Variants in PCDHGA11 observed in about 807,000 individuals in gnomAD.
PCDHGA11 encodes the protein protocadherin gamma-A11.
A neutral mutation model predicts 60.4 loss-of-function variants in PCDHGA11; 39 were observed. That is an observed-to-expected ratio of 0.65 (90% confidence interval 0.50 to 0.84). The LOEUF is 0.84. Among genes scored for constraint, PCDHGA11 ranks in the 40% least tolerant of loss-of-function variants. The pLI, the probability that PCDHGA11 is intolerant of heterozygous loss-of-function variation, is 0.00. For missense variants in PCDHGA11, 1,165 were observed against 1,197.7 expected, an observed-to-expected ratio of 0.97 and a Z score of 0.40; for synonymous variants, 533 against 510.3, an observed-to-expected ratio of 1.04 and a Z score of -0.60.
chr5:141,425,528 C>CA (rs890632943), intron 1 of PCDHGA11, among the ~76,000 whole-genome samples: 1 of 152,200 alleles, frequency 6.6e-6, no homozygotes, highest in African/African-American at 2.4e-5. Context: ...AAACATGAAA[C>CA]AATAATCCTT....
In PCDHGA11 at chr5:141,478,301, G is replaced by C. The variant is rs778427815; in HGVS notation, c.2434-16506G>C. ...GAAGCAGTCTAGAGACCTATACCGA[G>C]CCCCGGTGAGCTCACTGTACCGAAC... On this transcript the variant is annotated intron_variant, in intron 1 of 3. Coordinates refer to ENST00000398587, the MANE Select transcript of PCDHGA11 (RefSeq NM_018914.3). 2.5e-6 allele frequency: 4 copies of C among 1,614,074 alleles called. No individual in the cohort carries two copies. In the South Asian group the frequency reaches 4.4e-5, roughly 18 times the overall value.
intron 1 of PCDHGA11, among the ~76,000 whole-genome samples, chr5:141,471,928 G>A (rs1328213264): frequency 6.6e-6 from 1 of 152,152 alleles, no homozygotes; most frequent in African/African-American, 2.4e-5. Context: ...TTTTGGGGGT[G>A]ATGAGAGTTT....
Position 141,487,686 on chromosome 5 carries a change from T to G in PCDHGA11, c.2434-7121T>G, listed in dbSNP as rs778973495. The G allele has an allele frequency of 4.4e-6, 7 of 1,605,914 alleles. 1 individual carries two copies. The African/African-American group carries it at 9.4e-5, about 21-fold the overall frequency. On this transcript the variant is annotated intron_variant, in intron 1 of 3. Coordinates refer to ENST00000398587, the MANE Select transcript of PCDHGA11 (RefSeq NM_018914.3). The surrounding 1 kb of genome is among the most constrained non-coding windows in gnomAD (Gnocchi z 5.0). Reference sequence around the variant, plus strand: ...CCAGGCATATGGCTAGGCCATGTCCTAGAGAGTACTGGCCTCTCAGTAAGT... The same window carrying G: ...CCAGGCATATGGCTAGGCCATGTCCGAGAGAGTACTGGCCTCTCAGTAAGT...
At position 141,511,140 on chromosome 5, in the gene PCDHGA11, C is replaced by G. The variant is rs1405623579; in HGVS notation, c.2775C>G (p.Asn925Lys). Residue 925 changes from asparagine (N) to lysine (K), a missense_variant, in exon 4 of 4, where the codon AAC becomes AAG. Physicochemically the swap from Asn to Lys is moderately conservative, Grantham distance 94. Transcript: ENST00000398587. ...AGGCCCCAGCAGGTGGCAATGGCAACAAGAAGAAGTCGGGCAAGAAGGAGA... is the reference window on the plus strand; with the variant it reads ...AGGCCCCAGCAGGTGGCAATGGCAAGAAGAAGAAGTCGGGCAAGAAGGAGA... Reference protein sequence around the residue: ...DGKAPAGGNGNKKKSGKKEKK With the variant: ...DGKAPAGGNGKKKKSGKKEKK 2.5e-6 allele frequency: 4 copies of G among 1,614,068 alleles called. No homozygotes were observed. Among genetic ancestry groups the G allele is most frequent in the Admixed American group, 1.7e-5 (1 of 60,008 alleles).
In PCDHGA11 at chr5:141,511,281, G is replaced by A; in HGVS notation, c.*108G>A. The A allele has an allele frequency of 2.0e-6, 3 of 1,531,280 alleles. No homozygotes were observed. Among genetic ancestry groups the A allele is most frequent in the Non-Finnish European group, 2.6e-6 (3 of 1,137,132 alleles). 94.9% of individuals were successfully genotyped at this position (1,531,280 alleles called of 1,614,324 possible). ...TTCAGGGCTAACCCCCAGAATACTG[G>A]TAGGGGCCAAGGCCATGCTCCCCTT... On this transcript the variant is annotated 3_prime_UTR_variant, in exon 4 of 4. Transcript: ENST00000398587.
rs535194185 is a variant in PCDHGA11, at chr5:141,485,480, A to C, written c.2434-9327A>C. 6.2e-7 allele frequency: 1 copy of C among 1,614,154 alleles called. No individual in the cohort carries two copies. The highest frequency in any genetic ancestry group is 1.7e-5 in the Admixed American group (1 of 60,020). On this transcript the variant is annotated intron_variant, in intron 1 of 3. Coordinates refer to ENST00000398587, the MANE Select transcript of PCDHGA11 (RefSeq NM_018914.3). This position sits in a 1 kb window ranked among gnomAD's most constrained non-coding sequence, Gnocchi z 5.7. The stretch of plus-strand genomic sequence containing the variant: ...ACTGTGTGGGCTCAGTGCCAGCTGC[A>C]TCGTGCCCCTGGAGTTTGTCACCGA...
intron 1 of PCDHGA11, among the ~76,000 whole-genome samples, chr5:141,444,466 C>T (rs539222916): frequency 7.9e-5 from 12 of 152,100 alleles, no homozygotes; most frequent in East Asian, 1.9e-4. Context: ...TCACTGCGCC[C>T]GGTCGCGTAC....
At position 141,432,908 on chromosome 5, in the gene PCDHGA11, C is replaced by A. The variant is rs757934634; in HGVS notation, c.2433+9248C>A. On this transcript the variant is annotated intron_variant, in intron 1 of 3. Coordinates refer to ENST00000398587, the MANE Select transcript of PCDHGA11 (RefSeq NM_018914.3). This position sits in a 1 kb window ranked among gnomAD's most constrained non-coding sequence, Gnocchi z 6.0. ...CATCTTGCTGCTGGCGCTCAGGCTGCGGCGCTGGCACAAGTCACGCCTGCT... is the reference window on the plus strand; with the variant it reads ...CATCTTGCTGCTGGCGCTCAGGCTGAGGCGCTGGCACAAGTCACGCCTGCT... The A allele has an allele frequency of 1.6e-5, 26 of 1,614,168 alleles. No individual in the cohort carries two copies. Among genetic ancestry groups the A allele is most frequent in the Middle Eastern group, 1.7e-4 (1 of 6,060 alleles).
At position 141,422,849 on chromosome 5, in the gene PCDHGA11, C is replaced by G; in HGVS notation, c.1622C>G (p.Pro541Arg). ...LRVIARDSGD[P>R]PLSSNVSLSL... ...GTGATAGCACGTGACAGCGGGGACCCGCCCCTCAGCAGCAACGTGTCGCTG... is the reference window on the plus strand; with the variant it reads ...GTGATAGCACGTGACAGCGGGGACCGGCCCCTCAGCAGCAACGTGTCGCTG... The change falls in exon 1 of 4, where the codon CCG becomes CGG. Residue 541 changes from proline (P) to arginine (R), a missense_variant. Physicochemically the swap from Pro to Arg is moderately radical, Grantham distance 103 (BLOSUM62 -2). Transcript: ENST00000398587. 6.2e-7 allele frequency: 1 copy of G among 1,614,238 alleles called. No individual in the cohort carries two copies. The highest frequency in any genetic ancestry group is 2.2e-5 in the East Asian group (1 of 44,882).
In PCDHGA11 at chr5:141,485,049, G is replaced by C. The variant is rs1271101804; in HGVS notation, c.2434-9758G>C. On this transcript the variant is annotated intron_variant, in intron 1 of 3. Coordinates refer to ENST00000398587, the MANE Select transcript of PCDHGA11 (RefSeq NM_018914.3). The surrounding 1 kb of genome is among the most constrained non-coding windows in gnomAD (Gnocchi z 5.7). ...AACGGCGCGTAACCCTTGCGGCGCC[G>C]GCCGAACCGCGCCAGAGCTGGCGCG... 1 of 780,438 alleles carries C rather than the reference G, an allele frequency of 1.3e-6. No homozygotes were observed. The highest frequency in any genetic ancestry group is 2.1e-6 in the Non-Finnish European group (1 of 469,234). The allele number at this position is 780,438 out of a possible 1,614,324, so 48.3% of individuals were successfully genotyped here. A position where few individuals can be genotyped will look rare whatever the true frequency, so the allele number is the denominator to read the frequency against.
Position 141,423,277 on chromosome 5 carries a change from A to G in PCDHGA11, c.2050A>G (p.Asn684Asp), listed in dbSNP as rs749771302. ...CCTCGGCAGCCTCGAGTCTCTGGCT[A>G]ACTCTGAAACCTCAGACCTCTCGCT... ...ADLGSLESLA[N>D]SETSDLSLYL... is the part of the protein sequence containing the mutation. The change falls in exon 1 of 4, where the codon AAC (asparagine) becomes GAC (aspartate). Residue 684 changes from asparagine to aspartate, a missense_variant. By Grantham distance (23) the Asn-to-Asp change is conservative (BLOSUM62 1). Coordinates refer to ENST00000398587, the MANE Select transcript of PCDHGA11 (RefSeq NM_018914.3). The G allele has an allele frequency of 2.5e-6, 4 of 1,613,988 alleles. No homozygotes were observed. Among genetic ancestry groups the G allele is most frequent in the Non-Finnish European group, 8.5e-7 (1 of 1,179,978 alleles).
In PCDHGA11 at chr5:141,456,878, G is replaced by T. The variant is rs71583646; in HGVS notation, c.2433+33218G>T. On this transcript the variant is annotated intron_variant, in intron 1 of 3. Coordinates refer to ENST00000398587, the MANE Select transcript of PCDHGA11 (RefSeq NM_018914.3). ...ATTGGGAGGCTGAGGCAGGAGAATCGCTTGAACCCGGGAGGCAGAGGTTGC... is the reference window on the plus strand; with the variant it reads ...ATTGGGAGGCTGAGGCAGGAGAATCTCTTGAACCCGGGAGGCAGAGGTTGC... Among the ~76,000 whole-genome samples, 307 of 152,160 alleles carry T rather than the reference G, an allele frequency of 2.0e-3. 1 individual carries two copies. The highest frequency in any genetic ancestry group is 0.01 in the Middle Eastern group (3 of 294).
intron 1 of PCDHGA11, among the ~76,000 whole-genome samples, chr5:141,456,379 C>A (rs181915740): frequency 1.3e-5 from 2 of 152,162 alleles, no homozygotes; most frequent in East Asian, 3.9e-4. Context: ...GTTTACAGCA[C>A]CGTTTGGAGT....
chr5:141,422,053 G>A lies in PCDHGA11; in HGVS notation c.826G>A (p.Gly276Arg). 1 of 1,611,606 alleles carries A rather than the reference G, an allele frequency of 6.2e-7. No individual in the cohort carries two copies. The highest frequency in any genetic ancestry group is 8.5e-7 in the Non-Finnish European group (1 of 1,179,286). Residue 276 changes from glycine to arginine, a missense_variant, in exon 1 of 4, where the codon GGG becomes AGG. Transcript: ENST00000398587. The part of the protein sequence containing the change: ...NATDPDEGIN[G>R]EVMYSFRNME... ...AACGGATCCAGACGAGGGAATCAACGGGGAAGTAATGTATTCATTTCGGAA... is the reference window on the plus strand; with the variant it reads ...AACGGATCCAGACGAGGGAATCAACAGGGAAGTAATGTATTCATTTCGGAA...
At position 141,432,360 on chromosome 5, in the gene PCDHGA11, C is replaced by T; in HGVS notation, c.2433+8700C>T. On this transcript the variant is annotated intron_variant, in intron 1 of 3. Transcript: ENST00000398587. This position sits in a 1 kb window ranked among gnomAD's most constrained non-coding sequence, Gnocchi z 6.0. Reference sequence around the variant, plus strand: ...CGAGACTTGCAAGTGAAAGTGATGGCGCGGGACAACGGGCACCCGCCCCTC... The same window carrying T: ...CGAGACTTGCAAGTGAAAGTGATGGTGCGGGACAACGGGCACCCGCCCCTC... 1.9e-6 allele frequency: 3 copies of T among 1,614,228 alleles called. No individual in the cohort carries two copies. The highest frequency in any genetic ancestry group is 1.1e-5 in the South Asian group (1 of 91,088).
At position 141,491,151 on chromosome 5, in the gene PCDHGA11, T is replaced by C. The variant is rs1283775894; in HGVS notation, c.2434-3656T>C. The C allele has an allele frequency of 6.2e-7, 1 of 1,614,150 alleles. No individual in the cohort carries two copies. On this transcript the variant is annotated intron_variant, in intron 1 of 3. Transcript: ENST00000398587. The surrounding 1 kb of genome is among the most constrained non-coding windows in gnomAD (Gnocchi z 6.9). ...GCACAGCCCGGGCCTTACTGGAGGA[T>C]GACTCTGACACCCAGCAGGTGGTGG...
At chr5:141,448,730 G>A (rs1419700194) in intron 1 of PCDHGA11, among the ~76,000 whole-genome samples, 1 of 152,072 alleles carries the variant, frequency 6.6e-6, no homozygotes, top group African/African-American at 2.4e-5. Context: ...CACGAGGTCA[G>A]GAGATCGAGA....
At chr5:141,423,734 T>C in intron 1 of PCDHGA11, 74 bp downstream of exon 1, 1 of 969,626 alleles carries the variant, frequency 1.0e-6, no homozygotes, top group Non-Finnish European at 1.3e-6. Flanking sequence ...TTTTTGAGCC[T>C]GTTATGAAAA....
chr5:141,474,321 A>G (rs75620387), intron 1 of PCDHGA11, among the ~76,000 whole-genome samples: 2,046 of 152,326 alleles, frequency 0.013, 15 homozygotes, highest in Middle Eastern at 0.034. Context: ...GTGTTTTCAA[A>G]TCACCCTGAT....
Sources: gnomAD v4.1 joint callset for allele counts (sites outside exome capture counted in the v4.1 genomes callset) on GRCh38, gnomAD v4.1.1 for gene constraint, Gnocchi (gnomAD v3.1) non-coding constraint, MANE v1.5 for transcripts, NCBI Gene and HGNC (gene_info 2026-07-23, HGNC 2026-07-21) for gene names.